WDR82: variants seen among roughly 807,000 people sequenced by gnomAD.
WDR82 encodes the protein WD repeat domain 82.
A neutral mutation model predicts 36.1 loss-of-function variants in WDR82; 8 were observed. The observed-to-expected ratio is 0.22, with a 90% CI of 0.13 to 0.40. The LOEUF is 0.40. WDR82 is among the 10% of genes least tolerant of loss of function. The pLI, the probability that WDR82 is intolerant of heterozygous loss-of-function variation, is 1.00. For missense variants in WDR82, 185 were observed against 400.5 expected (o/e 0.46, Z 4.59); for synonymous variants, 129 against 137.8 (o/e 0.94, Z 0.45).
intron 3 of WDR82, among the ~76,000 whole-genome samples, chr3:52,262,126 C>A (rs1270120493): frequency 6.6e-6 from 1 of 152,190 alleles, no homozygotes; most frequent in Non-Finnish European, 1.5e-5. Flanking sequence ...ACCTTGGGAA[C>A]ACCATGCTAA....
chr3:52,277,717 G>A (rs1700218028), intron 1 of WDR82, among the ~76,000 whole-genome samples: 1 of 152,258 alleles, frequency 6.6e-6, no homozygotes, highest in Non-Finnish European at 1.5e-5. Context: ...GGGAAGCTGA[G>A]GGGCAGGGGA....
chr3:52,265,030 G>A (rs1037104591), intron 3 of WDR82, among the ~76,000 whole-genome samples: 10 of 151,668 alleles, frequency 6.6e-5, no homozygotes, highest in African/African-American at 2.4e-4. Flanking sequence ...TCAGGAGGTC[G>A]GCCAGCCGGG....
chr3:52,265,168 C>T (rs1277977375), intron 3 of WDR82, among the ~76,000 whole-genome samples: 4 of 151,450 alleles, frequency 2.6e-5, no homozygotes, highest in South Asian at 4.2e-4. Context: ...GGCTTGGTGG[C>T]GGGTGCCTGT....
chr3:52,272,635 C>T (rs1700164894), intron 1 of WDR82, among the ~76,000 whole-genome samples: 1 of 151,742 alleles, frequency 6.6e-6, no homozygotes, highest in Non-Finnish European at 1.5e-5. Flanking sequence ...ATACGATCAA[C>T]TGAAAAAACA....
intron 1 of WDR82, among the ~76,000 whole-genome samples, chr3:52,273,491 T>C (rs1700172847): frequency 6.7e-6 from 1 of 148,384 alleles, no homozygotes; most frequent in Non-Finnish European, 1.5e-5. Flanking sequence ...TGAAAGAGAA[T>C]AGTGTAAGGA....
At chr3:52,259,904 A>AT (rs1241759270) in intron 5 of WDR82, 32 bp from the exon 6 acceptor site, 4 of 1,587,030 alleles carry the variant, frequency 2.5e-6, no homozygotes, top group Non-Finnish European at 3.4e-6. Context: ...AGCCCCAGGC[A>AT]TATTAATAAT....
intron 1 of WDR82, among the ~76,000 whole-genome samples, chr3:52,275,811 G>A (rs11715208): frequency 0.08 from 12,205 of 152,212 alleles, 605 homozygotes; most frequent in Non-Finnish European, 0.12. Flanking sequence ...TTGAACCCAG[G>A]AGCCGGAGGT....
chr3:52,269,898 A>T (rs1038066106), intron 2 of WDR82, among the ~76,000 whole-genome samples: 3 of 152,242 alleles, frequency 2.0e-5, no homozygotes, highest in African/African-American at 7.2e-5. Context: ...AAAGAAACTC[A>T]CAAGTTCAAT....
chr3:52,265,197 G>A (rs570202535), intron 3 of WDR82, among the ~76,000 whole-genome samples: 73 of 150,346 alleles, frequency 4.9e-4, no homozygotes, highest in African/African-American at 1.7e-3. Context: ...CTACTCAGGA[G>A]GCTGAGGCAG....
chr3:52,261,568 A>G, intron 3 of WDR82, 89 bp from the exon 4 acceptor site: 1 of 1,015,688 alleles, frequency 9.8e-7, no homozygotes, highest in Non-Finnish European at 1.4e-6. Context: ...ATCTATACAT[A>G]TATATACCTG....
At chr3:52,260,794 A>G (rs1700054510) in intron 4 of WDR82, among the ~76,000 whole-genome samples, 1 of 152,244 alleles carries the variant, frequency 6.6e-6, no homozygotes, top group Non-Finnish European at 1.5e-5. Context: ...GAATTCAAAT[A>G]AAAATAAATC....
At chr3:52,268,411 C>T (rs1700125000) in intron 2 of WDR82, 1 of 462,690 alleles carries the variant, frequency 2.2e-6, no homozygotes, top group South Asian at 1.6e-5. Context: ...TCAGGATGCA[C>T]TTGAGACAGG....
At chr3:52,275,556 G>A (rs1042950781) in intron 1 of WDR82, among the ~76,000 whole-genome samples, 1 of 152,248 alleles carries the variant, frequency 6.6e-6, no homozygotes, top group Admixed American at 6.5e-5. Context: ...TTGGATAACT[G>A]TGCTCTGGTT....
rs11542801 is a variant in WDR82, at chr3:52,261,396, C to T, written c.410G>A (p.Arg137Gln). 2 of 1,610,570 alleles carry T rather than the reference C, an allele frequency of 1.2e-6. No individual in the cohort carries two copies. Among genetic ancestry groups the T allele is most frequent in the Non-Finnish European group, 1.7e-6 (2 of 1,178,760 alleles). ...TACCATTACCTGGCAGTTAGGAGAC[C>T]GGAGATCCCAGAGTCGAATGGTCTT... ...LDKTIRLWDL[R>Q]SPNCQGLMHL... The change falls in exon 4 of 9, where the codon CGG becomes CAG. Residue 137 changes from arginine to glutamine, a missense_variant. Arg to Gln is a conservative substitution (Grantham distance 43). This residue lies in a region of WDR82 where 26 missense variants were observed against 107.4 expected (regional missense o/e 0.24). Coordinates refer to ENST00000296490, the MANE Select transcript of WDR82 (RefSeq NM_025222.4).
chr3:52,270,762 C>T lies in WDR82; in HGVS notation c.209G>A (p.Arg70Lys), dbSNP rs1578010445. Reference protein sequence around the residue: ...YSKKYGVDLIRYTHAANTVVY... With the variant: ...YSKKYGVDLIKYTHAANTVVY... ...AACTGTGTTTGCTGCATGAGTGTATCTGATGAGGTCCACACCATATTTCTT... is the reference window on the plus strand; with the variant it reads ...AACTGTGTTTGCTGCATGAGTGTATTTGATGAGGTCCACACCATATTTCTT... Residue 70 changes from arginine (R) to lysine (K), a missense_variant, in exon 2 of 9, where the codon AGA becomes AAA. Transcript: ENST00000296490. The T allele has an allele frequency of 3.1e-6, 5 of 1,613,340 alleles. No homozygotes were observed. The highest frequency in any genetic ancestry group is 4.2e-6 in the Non-Finnish European group (5 of 1,179,746).
intron 4 of WDR82, 74 bp from the exon 5 acceptor site, chr3:52,260,575 G>T: frequency 2.1e-6 from 2 of 956,052 alleles, no homozygotes; most frequent in East Asian, 2.9e-5. Context: ...AAAGACTGCT[G>T]GTACAATGGG....
chr3:52,263,383 G>T (rs1700078266), intron 3 of WDR82, among the ~76,000 whole-genome samples: 1 of 152,194 alleles, frequency 6.6e-6, no homozygotes, highest in Admixed American at 6.5e-5. Context: ...ACCTTAATGG[G>T]AATGGTGGGA....
At chr3:52,272,265 T>C (rs1203388120) in intron 1 of WDR82, among the ~76,000 whole-genome samples, 1 of 151,996 alleles carries the variant, frequency 6.6e-6, no homozygotes, top group Non-Finnish European at 1.5e-5. Context: ...AATTTTAGGC[T>C]GGGCGTGGTG....
rs1031977332 is a variant in WDR82, at chr3:52,255,942, C to G, written c.*1548G>C. On this transcript the variant is annotated 3_prime_UTR_variant, in exon 9 of 9. Transcript: ENST00000296490. ...GACATACCAGGTCAACAGGAGTGAT[C>G]TATCATTGGCAACGAGGCCTCAAAC... 2.0e-5 allele frequency: 3 copies of G among 152,682 alleles called. No individual in the cohort carries two copies. The highest frequency in any genetic ancestry group is 1.3e-4 in the Admixed American group (2 of 15,268). The allele number at this position is 152,682 out of a possible 1,614,324, so 9.5% of individuals were successfully genotyped here.
Sources: allele counts gnomAD v4.1 joint callset (sites outside exome capture counted in the v4.1 genomes callset), GRCh38; gene constraint gnomAD v4.1.1; regional missense constraint gnomAD v4.1.1; transcripts MANE v1.5; gene names NCBI Gene and HGNC (gene_info 2026-07-23, HGNC 2026-07-21).